The following B4GALT1 variants were observed in gnomAD, a reference collection of about 807,000 sequenced individuals.
B4GALT1 encodes beta-1,4-galactosyltransferase 1.
B4GALT1 carries 16 observed loss-of-function variants against 34.9 expected under a neutral mutation model. The ratio of observed to expected loss-of-function variants is 0.46; its 90% CI spans 0.31 to 0.70. The LOEUF is 0.70. Ranked by LOEUF, B4GALT1 falls within the 30% of genes least tolerant of loss-of-function variation. The pLI is 0.05. For synonymous variants in B4GALT1, 221 were observed against 218.1 expected (o/e 1.01, Z -0.12); for missense variants, 445 against 530.5 (o/e 0.84, Z 1.58).
chr9:33,149,218 T>C (rs545585716), intron 1 of B4GALT1, among the ~76,000 whole-genome samples: 1 of 150,662 alleles, frequency 6.6e-6, no homozygotes, highest in South Asian at 2.1e-4. Context: ...AAAAAGTGGA[T>C]GAAAGTTTGA....
chr9:33,176,083 C>T, the B4GALT1 span, among the ~76,000 whole-genome samples: 2 of 152,186 alleles, frequency 1.3e-5, no homozygotes, highest in African/African-American at 2.4e-5. Context: ...ACCAGCTCCC[C>T]CTGCTCCAGG....
intron 1 of B4GALT1, among the ~76,000 whole-genome samples, chr9:33,140,267 G>A (rs966134281): frequency 6.6e-6 from 1 of 152,220 alleles, no homozygotes; most frequent in Non-Finnish European, 1.5e-5. Flanking sequence ...TGGGTCGAAA[G>A]AAGCGTTGGC....
chr9:33,150,175 G>C (rs1167793150), intron 1 of B4GALT1, among the ~76,000 whole-genome samples: 6 of 63,866 alleles, frequency 9.4e-5, no homozygotes, highest in Admixed American at 4.8e-4. Flanking sequence ...ATATGAGAGA[G>C]AGAGATCTAG....
intron 2 of B4GALT1, among the ~76,000 whole-genome samples, chr9:33,131,311 G>A (rs1339069587): frequency 6.6e-6 from 1 of 152,230 alleles, no homozygotes; most frequent in African/African-American, 2.4e-5. Context: ...GTGACATGGA[G>A]CAGAAGTTTC....
chr9:33,117,138 C>A (rs1276778047), intron 3 of B4GALT1, among the ~76,000 whole-genome samples: 1 of 152,134 alleles, frequency 6.6e-6, no homozygotes, highest in Admixed American at 6.6e-5. Flanking sequence ...CTGTACCCAC[C>A]CAGTCACAGC....
chr9:33,147,111 G>A (rs1840438524), intron 1 of B4GALT1, among the ~76,000 whole-genome samples: 1 of 152,156 alleles, frequency 6.6e-6, no homozygotes. Context: ...CTACAGTCAA[G>A]TTTTATAACC....
the B4GALT1 span, among the ~76,000 whole-genome samples, chr9:33,181,561 T>G: frequency 6.6e-6 from 1 of 152,110 alleles, no homozygotes; most frequent in Non-Finnish European, 1.5e-5. Flanking sequence ...CTCCTTCTGT[T>G]AGAGACTCCC....
chr9:33,156,869 G>A (rs997146191), intron 1 of B4GALT1, among the ~76,000 whole-genome samples: 1 of 152,146 alleles, frequency 6.6e-6, no homozygotes, highest in East Asian at 1.9e-4. Context: ...TAGGTTTAGC[G>A]CCACATATCA....
chr9:33,114,460 C>A (rs939711912), intron 4 of B4GALT1, among the ~76,000 whole-genome samples: 4 of 152,202 alleles, frequency 2.6e-5, no homozygotes, highest in Non-Finnish European at 4.4e-5. Context: ...GTCACAGAGG[C>A]CTTCTCAGAG....
At chr9:33,143,284 A>T (rs1433309836) in intron 1 of B4GALT1, among the ~76,000 whole-genome samples, 1 of 152,234 alleles carries the variant, frequency 6.6e-6, no homozygotes, top group East Asian at 1.9e-4. Flanking sequence ...CTGTGCTCAG[A>T]AACAGTCCTG....
chr9:33,142,393 C>A (rs1261355821), intron 1 of B4GALT1, among the ~76,000 whole-genome samples: 1 of 151,986 alleles, frequency 6.6e-6, no homozygotes, highest in African/African-American at 2.4e-5. Flanking sequence ...GAAAGGTGAC[C>A]CCCTCCCTAT....
chr9:33,109,166 G>C (rs542493940), downstream of B4GALT1, among the ~76,000 whole-genome samples: 1 of 152,350 alleles, frequency 6.6e-6, no homozygotes, highest in Admixed American at 6.5e-5. Flanking sequence ...GCTGAAGGTT[G>C]AGCTGACTGG....
intron 2 of B4GALT1, among the ~76,000 whole-genome samples, chr9:33,130,610 G>A (rs1445512008): frequency 2.1e-5 from 3 of 140,776 alleles, no homozygotes; most frequent in African/African-American, 8.1e-5. Flanking sequence ...TAAGCCAAAT[G>A]GGAGTGGTTA....
chr9:33,126,668 G>GTTAACCA (rs1840113932), intron 2 of B4GALT1, among the ~76,000 whole-genome samples: 2 of 29,514 alleles, frequency 6.8e-5, no homozygotes, highest in Non-Finnish European at 2.3e-4. Flanking sequence ...TAGCAATATG[G>GTTAACCA]TAGCTCAGAG....
chr9:33,182,489 G>A, the B4GALT1 span, among the ~76,000 whole-genome samples: 1 of 152,198 alleles, frequency 6.6e-6, no homozygotes, highest in Non-Finnish European at 1.5e-5. Context: ...AAGGAAGCTA[G>A]AGGGTTACGC....
intron 1 of B4GALT1, among the ~76,000 whole-genome samples, chr9:33,141,152 G>C (rs1840343266): frequency 1.3e-5 from 2 of 152,166 alleles, no homozygotes; most frequent in Admixed American, 1.3e-4. Flanking sequence ...CATGTGCCAG[G>C]TGGTATAGGG....
At chr9:33,180,568 T>C in the B4GALT1 span, among the ~76,000 whole-genome samples, 2,645 of 152,354 alleles carry the variant, frequency 0.017, 46 homozygotes, top group Admixed American at 0.041. Flanking sequence ...AACACTGCTC[T>C]GCCGTGGCCA....
rs749745120 is a variant in B4GALT1 at position 33,166,800 on chromosome 9, C to A, written c.370G>T (p.Ala124Ser). 1.3e-6 allele frequency: 2 copies of A among 1,537,544 alleles called. No individual in the cohort carries two copies. Among genetic ancestry groups the A allele is most frequent in the Non-Finnish European group, 8.7e-7 (1 of 1,147,862 alleles). The change falls in exon 1 of 6, where the codon GCA becomes TCA. Residue 124 changes from alanine to serine, a missense_variant. Ala to Ser is a moderately conservative substitution (Grantham distance 99). This residue lies in a region of B4GALT1 where 349 missense variants were observed against 395.5 expected (regional missense o/e 0.88). Transcript: ENST00000379731. Reference sequence around the variant, plus strand: ...TCAGGGCAGGCGGGCAGCGACAGTGCGGTGGTGTGGGGCACTGGGACCGAG... The same window carrying A: ...TCAGGGCAGGCGGGCAGCGACAGTGAGGTGGTGTGGGGCACTGGGACCGAG... The part of the protein sequence containing the change: ...LTSVPVPHTT[A>S]LSLPACPEES...
chr9:33,105,964 T>A (rs1228286930), downstream of B4GALT1, among the ~76,000 whole-genome samples: 2 of 151,600 alleles, frequency 1.3e-5, no homozygotes, highest in Non-Finnish European at 2.9e-5. Flanking sequence ...TTTATTTCTT[T>A]TGGGTATATA....
Sources: allele counts gnomAD v4.1 joint callset (sites outside exome capture counted in the v4.1 genomes callset), GRCh38; gene constraint gnomAD v4.1.1; regional missense constraint gnomAD v4.1.1; transcripts MANE v1.5; gene names NCBI Gene and HGNC (gene_info 2026-07-23, HGNC 2026-07-21).